EPHA6: variants seen among roughly 807,000 people sequenced by gnomAD.
EPHA6 encodes the protein EPH receptor A6, also known as ephrin type-A receptor 6.
Under a neutral mutation model 112.0 loss-of-function variants are expected in EPHA6, and 50 were observed. The observed-to-expected ratio is 0.45, with a 90% CI of 0.36 to 0.56. EPHA6 has a LOEUF of 0.56. Ranked by LOEUF, EPHA6 falls within the 20% of genes least tolerant of loss-of-function variation. The pLI is 0.00. For synonymous variants in EPHA6, 529 were observed against 490.7 expected, an observed-to-expected ratio of 1.08 and a Z score of -1.03; for missense variants, 1,280 against 1,417.4, an observed-to-expected ratio of 0.90 and a Z score of 1.56.
rs548725288 is a variant in EPHA6 at position 97,359,449 on chromosome 3, A to G, written c.1607-45701A>G. Among the ~76,000 whole-genome samples the G allele has an allele frequency of 3.7e-5, 5 of 136,898 alleles. No homozygotes were observed. In the East Asian group the frequency reaches 8.9e-4, roughly 24 times the overall value. 89.8% of individuals were successfully genotyped at this position (136,898 alleles called of 152,430 possible). On this transcript the variant is annotated intron_variant, in intron 5 of 17. Coordinates refer to ENST00000389672, the MANE Select transcript of EPHA6 (RefSeq NM_001080448.3). ...CTTGATATTTCCATTTTGTTCATACATTGTTTTTTTTTTTTAATTCTCTAT... is the reference window on the plus strand; with the variant it reads ...CTTGATATTTCCATTTTGTTCATACGTTGTTTTTTTTTTTTAATTCTCTAT...
intron 5 of EPHA6, among the ~76,000 whole-genome samples, chr3:97,267,388 C>T (rs1178244927): frequency 6.6e-6 from 1 of 151,892 alleles, no homozygotes; most frequent in Non-Finnish European, 1.5e-5. Flanking sequence ...TTTCATAATG[C>T]TTGTCAGAGT....
chr3:97,661,784 A>C (rs1382294625), intron 14 of EPHA6, among the ~76,000 whole-genome samples: 1 of 152,112 alleles, frequency 6.6e-6, no homozygotes, highest in Non-Finnish European at 1.5e-5. Flanking sequence ...AACTTTCTGA[A>C]TATCTCTTTG....
At chr3:96,941,346 A>G (rs2040931659) in intron 2 of EPHA6, among the ~76,000 whole-genome samples, 2 of 151,702 alleles carry the variant, frequency 1.3e-5, no homozygotes, top group South Asian at 2.1e-4. Context: ...CATTTCATTC[A>G]TTTCATCTTC....
chr3:97,480,601 G>T (rs1274193613), intron 9 of EPHA6, among the ~76,000 whole-genome samples: 2 of 152,180 alleles, frequency 1.3e-5, no homozygotes, highest in African/African-American at 4.8e-5. Flanking sequence ...TCTTAGTACA[G>T]AACAAAATGG....
chr3:97,481,785 A>C (rs1482325225), intron 9 of EPHA6, among the ~76,000 whole-genome samples: 4 of 152,228 alleles, frequency 2.6e-5, no homozygotes, highest in Non-Finnish European at 4.4e-5. Context: ...GCATGGGATA[A>C]CATGGAAAGG....
chr3:97,577,785 T>C (rs896273811), intron 11 of EPHA6, among the ~76,000 whole-genome samples: 1 of 152,212 alleles, frequency 6.6e-6, no homozygotes, highest in Non-Finnish European at 1.5e-5. Flanking sequence ...TAATCTTATC[T>C]TTTCCGGTTT....
At chr3:97,530,892 G>T (rs1216721258) in intron 10 of EPHA6, among the ~76,000 whole-genome samples, 1 of 151,956 alleles carries the variant, frequency 6.6e-6, no homozygotes, top group Non-Finnish European at 1.5e-5. Context: ...TGCATAGTCA[G>T]CATTTAGTTG....
chr3:97,208,744 C>G (rs1046204644), intron 3 of EPHA6, among the ~76,000 whole-genome samples: 1 of 147,532 alleles, frequency 6.8e-6, no homozygotes, highest in Non-Finnish European at 1.5e-5. Context: ...AAGACTCTGT[C>G]TCAATTAAAA....
chr3:97,517,087 C>T (rs1295410157), intron 10 of EPHA6, among the ~76,000 whole-genome samples: 2 of 151,890 alleles, frequency 1.3e-5, no homozygotes, highest in Admixed American at 6.6e-5. Context: ...ATGGGATCGG[C>T]GGAAGTGTTG....
chr3:97,703,715 G>A (rs1260113791), intron 14 of EPHA6, among the ~76,000 whole-genome samples: 3 of 152,162 alleles, frequency 2.0e-5, no homozygotes, highest in African/African-American at 7.2e-5. Context: ...CATGGTAACA[G>A]TAACTGCTGT....
At chr3:97,629,196 G>T (rs1560207359) in intron 13 of EPHA6, among the ~76,000 whole-genome samples, 1 of 152,056 alleles carries the variant, frequency 6.6e-6, no homozygotes, top group African/African-American at 2.4e-5. Context: ...CCAAAATGCT[G>T]GGATTAGAGA....
chr3:97,414,750 AT>A (rs2087991708), intron 6 of EPHA6, among the ~76,000 whole-genome samples: 2 of 152,082 alleles, frequency 1.3e-5, no homozygotes, highest in African/African-American at 4.8e-5. Context: ...AACAGCCATT[AT>A]TAATGACACT....
chr3:97,034,560 C>T (rs943621902), intron 3 of EPHA6, among the ~76,000 whole-genome samples: 1 of 151,874 alleles, frequency 6.6e-6, no homozygotes, highest in African/African-American at 2.4e-5. Flanking sequence ...CTTAAAGTCA[C>T]CTCCAGCTAT....
At chr3:97,687,008 C>T (rs1384294476) in intron 14 of EPHA6, among the ~76,000 whole-genome samples, 3 of 152,176 alleles carry the variant, frequency 2.0e-5, no homozygotes, top group African/African-American at 2.4e-5. Flanking sequence ...GTCTTACTTG[C>T]ACTTCACCTG....
intron 10 of EPHA6, among the ~76,000 whole-genome samples, chr3:97,513,071 A>ATTT (rs2092392807): frequency 1.3e-5 from 2 of 152,104 alleles, no homozygotes; most frequent in African/African-American, 4.8e-5. Flanking sequence ...ATCAATCCAT[A>ATTT]TTTTACTAAT....
chr3:97,614,789 C>T (rs947117549), intron 13 of EPHA6, among the ~76,000 whole-genome samples: 4 of 151,946 alleles, frequency 2.6e-5, no homozygotes, highest in Non-Finnish European at 5.9e-5. Flanking sequence ...AAAATATGCT[C>T]AGGGAAAGAT....
intron 13 of EPHA6, among the ~76,000 whole-genome samples, chr3:97,630,184 C>A (rs149169829): frequency 6.6e-6 from 1 of 151,940 alleles, no homozygotes; most frequent in Admixed American, 6.6e-5. Context: ...TTACTGATTT[C>A]ACTCTTGGTG....
chr3:97,217,273 G>A (rs1432581706), intron 3 of EPHA6, among the ~76,000 whole-genome samples: 1 of 152,126 alleles, frequency 6.6e-6, no homozygotes, highest in East Asian at 1.9e-4. Flanking sequence ...GAGGTTCTCT[G>A]TGAGTGCTCA....
At chr3:96,866,551 A>C (rs1410540125) in intron 1 of EPHA6, among the ~76,000 whole-genome samples, 1 of 151,934 alleles carries the variant, frequency 6.6e-6, no homozygotes, top group Non-Finnish European at 1.5e-5. Flanking sequence ...GCTATTAAAA[A>C]GACTTAATTC....
Sources: gnomAD v4.1 joint callset for allele counts (sites outside exome capture counted in the v4.1 genomes callset) on GRCh38, gnomAD v4.1.1 for gene constraint, MANE v1.5 for transcripts, NCBI Gene and HGNC (gene_info 2026-07-23, HGNC 2026-07-21) for gene names.